Variants in TSEN2 observed in about 807,000 individuals in gnomAD.
TSEN2 encodes the protein tRNA splicing endonuclease subunit 2.
TSEN2 carries 54 observed loss-of-function variants against 59.2 expected under a neutral mutation model. The observed-to-expected ratio is 0.91, with a 90% CI of 0.73 to 1.14. The LOEUF (loss-of-function observed/expected upper bound fraction) is 1.14. TSEN2 is among the 50% of genes most tolerant of loss of function. The probability of loss-of-function intolerance (pLI) is 0.00; values close to 1 mark genes in which losing one functional copy is unlikely to be tolerated. For missense variants in TSEN2, 636 were observed against 576.2 expected (o/e 1.10, Z -1.06); for synonymous variants, 195 against 198.2 (o/e 0.98, Z 0.14).
intron 2 of TSEN2, 93 bp from the exon 3 acceptor site, chr3:12,492,043 C>G: frequency 9.2e-7 from 1 of 1,085,638 alleles, no homozygotes; most frequent in Non-Finnish European, 1.4e-6. Flanking sequence ...GAACCAGCCC[C>G]CTGTGGATAC....
intron 1 of TSEN2, among the ~76,000 whole-genome samples, chr3:12,486,764 A>T (rs535548224): frequency 6.6e-6 from 1 of 151,832 alleles, no homozygotes; most frequent in Admixed American, 6.6e-5. Context: ...ATCTGTCTCT[A>T]TGGATTTGTC....
intron 6 of TSEN2, among the ~76,000 whole-genome samples, chr3:12,507,253 G>A (rs1032140117): frequency 6.6e-5 from 10 of 152,082 alleles, no homozygotes; most frequent in African/African-American, 2.2e-4. Context: ...CACCAGCCAC[G>A]TCTCAAACAC....
chr3:12,525,324 A>G (rs1282850035), intron 8 of TSEN2, among the ~76,000 whole-genome samples: 2 of 152,198 alleles, frequency 1.3e-5, no homozygotes, highest in African/African-American at 4.8e-5. Context: ...TTTGTAAAAA[A>G]CAAGTCATTT....
chr3:12,518,737 A>G (rs1197239863), intron 7 of TSEN2, among the ~76,000 whole-genome samples: 1 of 149,312 alleles, frequency 6.7e-6, no homozygotes, highest in Non-Finnish European at 1.5e-5. Flanking sequence ...GTAGGAAGTC[A>G]GTGTATATTT....
At chr3:12,497,177 C>T (rs1441291226) in intron 4 of TSEN2, among the ~76,000 whole-genome samples, 3 of 152,128 alleles carry the variant, frequency 2.0e-5, no homozygotes, top group Admixed American at 6.5e-5. Flanking sequence ...TTTAGACTGT[C>T]GGTGCTTGGA....
chr3:12,494,742 A>G (rs1356214415), intron 3 of TSEN2, among the ~76,000 whole-genome samples: 1 of 151,148 alleles, frequency 6.6e-6, no homozygotes, highest in Non-Finnish European at 1.5e-5. Context: ...TTTTTTAAAA[A>G]TTCCAGTAGG....
intron 3 of TSEN2, among the ~76,000 whole-genome samples, chr3:12,493,543 A>T (rs564781183): frequency 1.3e-5 from 2 of 152,314 alleles, no homozygotes; most frequent in Admixed American, 6.5e-5. Flanking sequence ...CCTGACCAAG[A>T]TGGTGAAACC....
At chr3:12,506,285 A>G (rs1575328889) in intron 6 of TSEN2, among the ~76,000 whole-genome samples, 2 of 152,256 alleles carry the variant, frequency 1.3e-5, no homozygotes, top group East Asian at 3.9e-4. Flanking sequence ...TACTTAATGC[A>G]GTAGCTACAT....
At chr3:12,481,070 T>C (rs1208473477), upstream of TSEN2, among the ~76,000 whole-genome samples, 1 of 152,220 alleles carries the variant, frequency 6.6e-6, no homozygotes, top group Admixed American at 6.5e-5. Context: ...AAGTGCCCAA[T>C]AAATTGTCAC....
intron 4 of TSEN2, among the ~76,000 whole-genome samples, chr3:12,498,751 G>A (rs888077460): frequency 6.6e-6 from 1 of 152,104 alleles, no homozygotes; most frequent in African/African-American, 2.4e-5. Flanking sequence ...GTTTAAAGAT[G>A]TTACCAGCAC....
intron 4 of TSEN2, among the ~76,000 whole-genome samples, chr3:12,501,497 G>A (rs1454151614): frequency 1.3e-5 from 2 of 152,132 alleles, no homozygotes; most frequent in African/African-American, 4.8e-5. Context: ...AGACAGCTTT[G>A]GGATTCTTAG....
intron 1 of TSEN2, among the ~76,000 whole-genome samples, chr3:12,488,330 G>A (rs529557435): frequency 6.6e-6 from 1 of 152,316 alleles, no homozygotes; most frequent in South Asian, 2.1e-4. Flanking sequence ...TGGCCGCACT[G>A]TATCTTCAAG....
chr3:12,526,551 T>A (rs1045096524), intron 8 of TSEN2, among the ~76,000 whole-genome samples: 4 of 152,214 alleles, frequency 2.6e-5, no homozygotes, highest in African/African-American at 4.8e-5. Flanking sequence ...CTACCATGTT[T>A]ACACAACAAC....
chr3:12,534,831 T>C (rs772493076), downstream of TSEN2, among the ~76,000 whole-genome samples: 1 of 144,970 alleles, frequency 6.9e-6, no homozygotes, highest in Non-Finnish European at 1.5e-5. Context: ...AAAGATTAGC[T>C]GGGTGTGGTG....
At chr3:12,502,273 C>T (rs1001330069) in intron 4 of TSEN2, among the ~76,000 whole-genome samples, 2 of 152,144 alleles carry the variant, frequency 1.3e-5, no homozygotes, top group Non-Finnish European at 2.9e-5. Flanking sequence ...AAGCTGAGAG[C>T]GGTGGCTTAC....
chr3:12,531,515 C>G, intron 10 of TSEN2, 55 bp from the exon 11 acceptor site: 1 of 1,259,022 alleles, frequency 7.9e-7, no homozygotes, highest in Non-Finnish European at 1.2e-6. Flanking sequence ...CTGATGCACC[C>G]AAATTTGTAC....
rs139359230 is a variant in TSEN2 at position 12,523,775 on chromosome 3, A to T, written c.1099+4578A>T. Among the ~76,000 whole-genome samples the T allele has an allele frequency of 1.1e-4, 17 of 151,636 alleles. No homozygotes were observed. In the East Asian group the frequency reaches 3.3e-3, roughly 29 times the overall value. ...GGCTTGTTTTGAACTCCTGACCTCA[A>T]GTGATCTGCCTGCCTCGGCCTCCCA... On this transcript the variant is annotated intron_variant, in intron 8 of 11. Coordinates refer to ENST00000284995, the MANE Select transcript of TSEN2 (RefSeq NM_025265.4).
chr3:12,480,827 C>G (rs2052184579), upstream of TSEN2, among the ~76,000 whole-genome samples: 1 of 152,128 alleles, frequency 6.6e-6, no homozygotes, highest in South Asian at 2.1e-4. Context: ...AGTCACCGCG[C>G]CCGGCCTGTC....
At chr3:12,538,909 C>T in intron 10 of TSEN2, 1 of 290,670 alleles carries the variant, frequency 3.4e-6, no homozygotes, top group Admixed American at 5.1e-5. Context: ...AGAGGAAGTG[C>T]TTTGTAGCAG....
Sources: gnomAD v4.1 joint callset for allele counts (sites outside exome capture counted in the v4.1 genomes callset) on GRCh38, gnomAD v4.1.1 for gene constraint, MANE v1.5 for transcripts, NCBI Gene and HGNC (gene_info 2026-07-23, HGNC 2026-07-21) for gene names.